Variants in THSD7A observed in about 807,000 individuals in gnomAD.
THSD7A encodes thrombospondin type-1 domain-containing protein 7A.
In THSD7A, 96 loss-of-function variants were observed where a neutral mutation model predicts 231.3. The ratio of observed to expected loss-of-function variants is 0.41; its 90% confidence interval spans 0.35 to 0.49. THSD7A has a LOEUF of 0.49. THSD7A is among the 20% of genes least tolerant of loss of function. The pLI is 0.05. For missense variants in THSD7A, 2,290 were observed against 2,070.2 expected, an observed-to-expected ratio of 1.11 and a Z score of -2.06; for synonymous variants, 940 against 743.3, an observed-to-expected ratio of 1.26 and a Z score of -4.30.
At chr7:11,577,637 G>A (rs997333755) in intron 4 of THSD7A, among the ~76,000 whole-genome samples, 9 of 150,734 alleles carry the variant, frequency 6.0e-5, no homozygotes, top group African/African-American at 2.2e-4. Flanking sequence ...ATGTTTTTAT[G>A]TATCTAGTTG....
At chr7:11,820,744 C>G (rs1375316878) in intron 1 of THSD7A, 5 of 1,207,364 alleles carry the variant, frequency 4.1e-6, no homozygotes, top group Non-Finnish European at 6.1e-6. Flanking sequence ...CTTCAGTGTA[C>G]TCTTCTGCTT....
At chr7:11,764,585 A>AG (rs1250934841) in intron 1 of THSD7A, among the ~76,000 whole-genome samples, 1 of 151,830 alleles carries the variant, frequency 6.6e-6, no homozygotes, top group Admixed American at 6.6e-5. Context: ...AAAAAAAAAA[A>AG]AAAGTAAAGG....
intron 6 of THSD7A, among the ~76,000 whole-genome samples, chr7:11,535,483 T>C (rs1323922072): frequency 6.6e-6 from 1 of 151,824 alleles, no homozygotes; most frequent in Non-Finnish European, 1.5e-5. Flanking sequence ...TTACAACAAA[T>C]TGAATAAAGA....
intron 1 of THSD7A, among the ~76,000 whole-genome samples, chr7:11,781,299 T>C (rs1451922285): frequency 1.3e-5 from 2 of 150,662 alleles, no homozygotes; most frequent in African/African-American, 4.9e-5. Flanking sequence ...TTTTTTTTTT[T>C]CAAAAATTAG....
At chr7:11,416,286 A>G (rs1783957114) in intron 17 of THSD7A, among the ~76,000 whole-genome samples, 3 of 152,188 alleles carry the variant, frequency 2.0e-5, no homozygotes, top group African/African-American at 2.4e-5. Context: ...CTTTTATTAA[A>G]ATCCCTATTA....
At chr7:11,808,220 GTGACAATATTAAAA>G (rs1784446330) in intron 1 of THSD7A, among the ~76,000 whole-genome samples, 1 of 152,120 alleles carries the variant, frequency 6.6e-6, no homozygotes, top group African/African-American at 2.4e-5. Context: ...TGTTGCCAAT[GTGACAATATTAAAA>G]TGTGGGGCCT....
chr7:11,760,612 C>A (rs905834023), intron 1 of THSD7A, among the ~76,000 whole-genome samples: 1 of 152,052 alleles, frequency 6.6e-6, no homozygotes, highest in African/African-American at 2.4e-5. Flanking sequence ...AATATAGCCT[C>A]TAGGCTCACA....
chr7:11,708,517 A>T (rs1780843427), intron 1 of THSD7A, among the ~76,000 whole-genome samples: 1 of 150,796 alleles, frequency 6.6e-6, no homozygotes, highest in African/African-American at 2.4e-5. Context: ...AGTACAAGTC[A>T]ACATAAAATT....
rs143305723 is a variant in THSD7A at position 11,459,517 on chromosome 7, A to G, written c.2605+1145T>C. Among the ~76,000 whole-genome samples, 564 of 152,186 alleles carry G rather than the reference A, an allele frequency of 3.7e-3. 10 individuals are homozygous for G. Among genetic ancestry groups the G allele is most frequent in the Non-Finnish European group, 3.0e-3 (205 of 67,988 alleles). On this transcript the variant is annotated intron_variant, in intron 11 of 27. Transcript: ENST00000423059. ...AGGGAGTCACAGTTATGTTTTACCC[A>G]AAGTTGATGGTGGGAGATACATAAT... is the stretch of plus-strand genomic sequence containing the variant.
At chr7:11,682,690 A>T (rs571421376) in intron 1 of THSD7A, among the ~76,000 whole-genome samples, 1 of 152,122 alleles carries the variant, frequency 6.6e-6, no homozygotes, top group East Asian at 1.9e-4. Context: ...ACAGCATTAG[A>T]CATATCATCA....
chr7:11,632,252 G>A lies in THSD7A; in HGVS notation c.1022+3878C>T, dbSNP rs1781682098. Among the ~76,000 whole-genome samples, 2 of 152,034 alleles carry A rather than the reference G, an allele frequency of 1.3e-5. No individual in the cohort carries two copies. The highest frequency in any genetic ancestry group is 1.5e-5 in the Non-Finnish European group (1 of 68,014). On this transcript the variant is annotated intron_variant, in intron 2 of 27. Transcript: ENST00000423059. This position sits in a 1 kb window ranked among gnomAD's most constrained non-coding sequence, Gnocchi z 4.1. ...TATATTTACTAAATATTCTAGACAAGCACAACTACATCCTTTTCTATTTTT... is the reference window on the plus strand; with the variant it reads ...TATATTTACTAAATATTCTAGACAAACACAACTACATCCTTTTCTATTTTT...
At chr7:11,691,015 TGGA>T (rs1210734749) in intron 1 of THSD7A, among the ~76,000 whole-genome samples, 3 of 151,652 alleles carry the variant, frequency 2.0e-5, no homozygotes, top group Non-Finnish European at 4.4e-5. Context: ...ATCATATTTT[TGGA>T]AGAAATATAG....
chr7:11,398,579 A>G (rs1783280345), intron 23 of THSD7A, among the ~76,000 whole-genome samples: 1 of 152,172 alleles, frequency 6.6e-6, no homozygotes, highest in African/African-American at 2.4e-5. Flanking sequence ...ATATTAAGAA[A>G]AGAATATGTT....
intron 1 of THSD7A, among the ~76,000 whole-genome samples, chr7:11,651,486 A>ACTATCTAT (rs3031459): frequency 0.036 from 5,465 of 149,746 alleles, 108 homozygotes; most frequent in African/African-American, 0.048. Flanking sequence ...CTATCTATCA[A>ACTATCTAT]CTATCTATCT....
intron 1 of THSD7A, among the ~76,000 whole-genome samples, chr7:11,809,088 T>G (rs1784465748): frequency 6.6e-6 from 1 of 152,146 alleles, no homozygotes; most frequent in Non-Finnish European, 1.5e-5. Flanking sequence ...TCATCAACCA[T>G]GTACTGATAC....
intron 4 of THSD7A, among the ~76,000 whole-genome samples, chr7:11,588,393 T>A (rs906502918): frequency 2.0e-5 from 3 of 152,164 alleles, no homozygotes; most frequent in Non-Finnish European, 2.9e-5. Context: ...TCGTTAGTAT[T>A]CTTGGTATTT....
chr7:11,461,325 C>A (rs1373202164), intron 10 of THSD7A, among the ~76,000 whole-genome samples: 1 of 152,080 alleles, frequency 6.6e-6, no homozygotes, highest in Non-Finnish European at 1.5e-5. Flanking sequence ...TATTAAGATG[C>A]CAAATTTGAC....
rs141879354 is a variant in THSD7A, at chr7:11,580,183, C to T, written c.1453+10277G>A. 4.3e-4 allele frequency among the ~76,000 whole-genome samples: 66 copies of T among 152,220 alleles called. No homozygotes were observed. The East Asian group carries it at 0.012, about 28-fold the overall frequency. ...ATCCTTATAAAAAACAGATTCCTGCCTCATTCAGGACCTACAGAATTACAG... is the reference window on the plus strand; with the variant it reads ...ATCCTTATAAAAAACAGATTCCTGCTTCATTCAGGACCTACAGAATTACAG... On this transcript the variant is annotated intron_variant, in intron 4 of 27. Transcript: ENST00000423059.
At position 11,376,547 on chromosome 7, in the gene THSD7A, T is replaced by G. The variant is rs1226580940; in HGVS notation, c.4889+23A>C. 3 of 1,533,492 alleles carry G rather than the reference T, an allele frequency of 2.0e-6. No homozygotes were observed. In the East Asian group the frequency reaches 7.2e-5, roughly 37 times the overall value. The allele number at this position is 1,533,492 out of a possible 1,614,324, so 95.0% of individuals were successfully genotyped here. A position where few individuals can be genotyped will look rare whatever the true frequency, so the allele number is the denominator to read the frequency against. ...TGTTACGATTAAGTATCTCTTTGGATTTTTAATTATTTAAACACTCACCAA... is the reference window on the plus strand; with the variant it reads ...TGTTACGATTAAGTATCTCTTTGGAGTTTTAATTATTTAAACACTCACCAA... On this transcript the variant is annotated intron_variant, in intron 27 of 27. Coordinates refer to ENST00000423059, the MANE Select transcript of THSD7A (RefSeq NM_015204.3).
Sources: allele counts gnomAD v4.1 joint callset (sites outside exome capture counted in the v4.1 genomes callset), GRCh38; gene constraint gnomAD v4.1.1; non-coding constraint Gnocchi (gnomAD v3.1); transcripts MANE v1.5; gene names NCBI Gene and HGNC (gene_info 2026-07-23, HGNC 2026-07-21).